The following APBA2 variants were observed in gnomAD, a reference collection of about 807,000 sequenced individuals.
APBA2 encodes the protein amyloid beta precursor protein binding family A member 2, also known as amyloid-beta A4 precursor protein-binding family A member 2.
In APBA2, 30 loss-of-function variants were observed where a neutral mutation model predicts 75.0. That is an observed-to-expected ratio of 0.40 (90% CI 0.30 to 0.54). The LOEUF is 0.54. Among genes scored for constraint, APBA2 ranks in the 20% least tolerant of loss-of-function variants. The pLI is 0.49. For missense variants in APBA2, 801 were observed against 1,016.1 expected, an observed-to-expected ratio of 0.79 and a Z score of 2.88; for synonymous variants, 444 against 409.6, an observed-to-expected ratio of 1.08 and a Z score of -1.01.
At chr15:28,915,712 A>T (rs1286373551) in intron 1 of APBA2, among the ~76,000 whole-genome samples, 4 of 150,504 alleles carry the variant, frequency 2.7e-5, no homozygotes, top group Admixed American at 6.6e-5. Flanking sequence ...CATACCATAT[A>T]CCACACACAC....
chr15:28,952,347 T>C (rs2152725107), intron 2 of APBA2, among the ~76,000 whole-genome samples: 2 of 151,926 alleles, frequency 1.3e-5, no homozygotes, highest in Middle Eastern at 6.8e-3. Flanking sequence ...CTGGGTAGCA[T>C]AGAGTGACCT....
rs568545983 is a variant in APBA2 at position 28,974,511 on chromosome 15, C to T, written c.-94-21242C>T. Among the ~76,000 whole-genome samples, 6 of 152,224 alleles carry T rather than the reference C, an allele frequency of 3.9e-5. No homozygotes were observed. In the South Asian group the frequency reaches 1.2e-3, roughly 32 times the overall value. ...CTTTGTTTCGAGACTACTTGGAACA[C>T]TTAGGAAAGTTGACATATATTAGCT... On this transcript the variant is annotated intron_variant, in intron 2 of 14. Coordinates refer to ENST00000683413, the MANE Select transcript of APBA2 (RefSeq NM_001353788.2).
intron 4 of APBA2, among the ~76,000 whole-genome samples, chr15:29,056,399 A>G (rs2041886650): frequency 6.6e-6 from 1 of 152,144 alleles, no homozygotes; most frequent in African/African-American, 2.4e-5. Context: ...GAGGCATTGA[A>G]TGAAAAAGTA....
chr15:29,010,493 C>T lies in APBA2; in HGVS notation c.-41+14687C>T, dbSNP rs183847005. On this transcript the variant is annotated intron_variant, in intron 3 of 14. Transcript: ENST00000683413. ...CAGGATAGTCTCGATCTCCTGACCT[C>T]GTGATCCGCCCAACTCGGCCTCCCA... is the stretch of plus-strand genomic sequence containing the variant. 5.7e-3 allele frequency among the ~76,000 whole-genome samples: 873 copies of T among 152,230 alleles called. 9 individuals are homozygous for T. Among genetic ancestry groups the T allele is most frequent in the African/African-American group, 0.02 (821 of 41,528 alleles).
At chr15:29,085,813 G>T (rs533003189) in intron 6 of APBA2, among the ~76,000 whole-genome samples, 1 of 152,212 alleles carries the variant, frequency 6.6e-6, no homozygotes, top group African/African-American at 2.4e-5. Flanking sequence ...CTTTCTCCAT[G>T]GAGCCCTGTG....
chr15:29,017,667 G>A (rs1371896811), intron 3 of APBA2, among the ~76,000 whole-genome samples: 2 of 151,976 alleles, frequency 1.3e-5, no homozygotes, highest in Non-Finnish European at 2.9e-5. Context: ...CAATGTGCCC[G>A]GCACCATCTT....
rs753288931 is a variant in APBA2 at position 29,074,913 on chromosome 15, G to A, written c.952-8G>A. 8.7e-6 allele frequency: 14 copies of A among 1,613,630 alleles called. No homozygotes were observed. In the East Asian group the frequency reaches 1.6e-4, roughly 18 times the overall value. On this transcript the variant is annotated splice_polypyrimidine_tract_variant and splice_region_variant and intron_variant, in intron 4 of 14. Transcript: ENST00000683413. ...TAAAATCACGATCTTTAACTTCCCC[G>A]TTTCCAGGTTTGCAATGGTCTGGAG...
chr15:29,070,462 G>T (rs1481362666), intron 4 of APBA2, among the ~76,000 whole-genome samples: 1 of 152,182 alleles, frequency 6.6e-6, no homozygotes, highest in Non-Finnish European at 1.5e-5. Flanking sequence ...TTAAGCCACA[G>T]ATCCGCTTTG....
At chr15:28,998,133 A>G (rs111432243) in intron 3 of APBA2, among the ~76,000 whole-genome samples, 1,570 of 151,816 alleles carry the variant, frequency 0.01, 25 homozygotes, top group African/African-American at 0.036. Flanking sequence ...GTCTTTTCAT[A>G]GGATAATTTG....
intron 2 of APBA2, among the ~76,000 whole-genome samples, chr15:28,940,895 TAAAGTC>T (rs998069113): frequency 7.2e-5 from 11 of 152,234 alleles, no homozygotes; most frequent in African/African-American, 2.6e-4. Context: ...AAAAAACTAT[TAAAGTC>T]AAAGTCCACG....
At chr15:29,070,925 G>T (rs2042592058) in intron 4 of APBA2, 1 of 368,724 alleles carries the variant, frequency 2.7e-6, no homozygotes, top group Admixed American at 3.6e-5. Flanking sequence ...GTCCGCCCAG[G>T]ACTTCTCTGT....
chr15:29,089,780 G>A (rs1174798862), intron 6 of APBA2, among the ~76,000 whole-genome samples: 1 of 152,220 alleles, frequency 6.6e-6, no homozygotes, highest in Non-Finnish European at 1.5e-5. Context: ...ATATGCCTAT[G>A]TGAGTAAGAT....
rs1289551645 is a variant in APBA2 at position 28,948,952 on chromosome 15, GT to G, written c.-95+27204del. ...AGGCTGCAGAGTTGTAAAGCGGGGGGTGGGGCAGCCAGCAAGTCCAGCTCGA... is the reference window on the plus strand; with the variant it reads ...AGGCTGCAGAGTTGTAAAGCGGGGGGGGGGCAGCCAGCAAGTCCAGCTCGA... On this transcript the variant is annotated intron_variant, in intron 2 of 14. Coordinates refer to ENST00000683413, the MANE Select transcript of APBA2 (RefSeq NM_001353788.2). 1.3e-4 allele frequency among the ~76,000 whole-genome samples: 19 copies of G among 151,414 alleles called. 2 individuals are homozygous for G. The highest frequency in any genetic ancestry group is 4.4e-4 in the African/African-American group (18 of 41,190).
chr15:29,107,674 G>A (rs1460759297), intron 12 of APBA2, among the ~76,000 whole-genome samples: 1 of 152,028 alleles, frequency 6.6e-6, no homozygotes, highest in East Asian at 1.9e-4. Context: ...AGCAGTTGAG[G>A]CCCCCCCTCC....
chr15:28,943,125 T>C (rs8024272), intron 2 of APBA2, among the ~76,000 whole-genome samples: 49,468 of 152,208 alleles, frequency 0.33, 13,945 homozygotes, highest in African/African-American at 0.75. Flanking sequence ...GACAGTGGCC[T>C]TCTACCTGAG....
chr15:28,965,717 A>G (rs1450634154), intron 2 of APBA2, among the ~76,000 whole-genome samples: 1 of 152,056 alleles, frequency 6.6e-6, no homozygotes, highest in Non-Finnish European at 1.5e-5. Flanking sequence ...TCTTCTTGTT[A>G]TCTTTAGAGC....
At chr15:28,998,362 C>G (rs1011967846) in intron 3 of APBA2, among the ~76,000 whole-genome samples, 1 of 152,076 alleles carries the variant, frequency 6.6e-6, no homozygotes, top group Admixed American at 6.5e-5. Context: ...ATTTAAATCA[C>G]GGCAAGTCTC....
intron 4 of APBA2, among the ~76,000 whole-genome samples, chr15:29,067,077 G>A (rs529717198): frequency 3.2e-4 from 48 of 150,792 alleles, no homozygotes; most frequent in East Asian, 1.7e-3. Context: ...AGGGGGAAGC[G>A]CCACACACTT....
At chr15:28,965,020 T>G (rs2036665705) in intron 2 of APBA2, among the ~76,000 whole-genome samples, 1 of 152,068 alleles carries the variant, frequency 6.6e-6, no homozygotes, top group Non-Finnish European at 1.5e-5. Flanking sequence ...TTGTGTTTGG[T>G]GTATGTCTAG....
Sources: gnomAD v4.1 joint callset for allele counts (sites outside exome capture counted in the v4.1 genomes callset) on GRCh38, gnomAD v4.1.1 for gene constraint, MANE v1.5 for transcripts, NCBI Gene and HGNC (gene_info 2026-07-23, HGNC 2026-07-21) for gene names.